The following PDE7B variants were observed in gnomAD, a reference collection of about 807,000 sequenced individuals.
PDE7B encodes phosphodiesterase 7B, also known as 3',5'-cyclic-AMP phosphodiesterase 7B.
In PDE7B, 29 loss-of-function variants were observed where a neutral mutation model predicts 56.2. That is an observed-to-expected ratio of 0.52 (90% confidence interval 0.38 to 0.70). The LOEUF (loss-of-function observed/expected upper bound fraction) is 0.70. Among genes scored for constraint, PDE7B ranks in the 30% least tolerant of loss-of-function variants. PDE7B has a pLI of 0.00. For missense variants in PDE7B, 490 were observed against 565.0 expected (o/e 0.87, Z 1.35); for synonymous variants, 197 against 196.9 (o/e 1.00, Z 0.00).
At chr6:136,072,261 C>T (rs1777061718) in intron 2 of PDE7B, among the ~76,000 whole-genome samples, 2 of 152,060 alleles carry the variant, frequency 1.3e-5, no homozygotes, top group Admixed American at 1.3e-4. Context: ...TCGAAATTGT[C>T]CTAAGTTCTG....
chr6:135,958,229 C>T (rs1294155820), intron 2 of PDE7B, among the ~76,000 whole-genome samples: 1 of 152,074 alleles, frequency 6.6e-6, no homozygotes, highest in Non-Finnish European at 1.5e-5. Flanking sequence ...AAGACTCTGT[C>T]TCAATAAGAG....
rs1778592724 is a variant in PDE7B, at chr6:136,155,727, A to G, written c.680A>G (p.Lys227Arg). ...HPGVNQPFLI[K>R]TNHHLANLYQ... ...GGGGTGAACCAGCCATTTTTGATAA[A>G]AACTAACCACCATCTTGCAAACCTA... Residue 227 changes from lysine (K) to arginine (R), a missense_variant, in exon 8 of 13, where the codon AAA becomes AGA. Lys to Arg is a conservative substitution (Grantham distance 26). Transcript: ENST00000308191. The G allele has an allele frequency of 3.7e-6, 6 of 1,614,116 alleles. No individual in the cohort carries two copies. In the South Asian group the frequency reaches 5.5e-5, roughly 15 times the overall value.
intron 8 of PDE7B, 106 bp downstream of exon 8, chr6:136,155,864 G>A (rs1165927988): frequency 2.5e-6 from 3 of 1,184,032 alleles, no homozygotes; most frequent in Non-Finnish European, 1.3e-6. Flanking sequence ...TAGGGTCCTA[G>A]AAGTTCAAAG....
At chr6:136,073,886 G>A (rs190501012) in intron 2 of PDE7B, among the ~76,000 whole-genome samples, 6 of 152,254 alleles carry the variant, frequency 3.9e-5, no homozygotes, top group East Asian at 3.9e-4. Context: ...AGTACAATGC[G>A]CAGAAAACTG....
intron 2 of PDE7B, among the ~76,000 whole-genome samples, chr6:135,965,691 G>A (rs541749004): frequency 1.3e-5 from 2 of 152,150 alleles, no homozygotes; most frequent in Non-Finnish European, 2.9e-5. Flanking sequence ...CGAACCTCAT[G>A]ATTCGGTTAC....
At chr6:135,951,596 T>C (rs1774700226) in intron 2 of PDE7B, among the ~76,000 whole-genome samples, 3 of 152,190 alleles carry the variant, frequency 2.0e-5, no homozygotes, top group African/African-American at 7.2e-5. Context: ...AAATTGCTGA[T>C]CAGATTTAGT....
At chr6:136,038,220 GCAGCAGCAA>G (rs1405552321) in intron 2 of PDE7B, 3 of 1,299,570 alleles carry the variant, frequency 2.3e-6, no homozygotes, top group Admixed American at 4.6e-5. Flanking sequence ...AGAAACAGCA[GCAGCAGCAA>G]CAGCAGCAGC....
At chr6:135,893,393 T>TG (rs1290182491) in intron 1 of PDE7B, among the ~76,000 whole-genome samples, 8 of 152,108 alleles carry the variant, frequency 5.3e-5, no homozygotes, top group African/African-American at 1.9e-4. Flanking sequence ...ACAAAGGACA[T>TG]GAACTCATCA....
At chr6:135,974,076 C>T (rs1775141962) in intron 2 of PDE7B, among the ~76,000 whole-genome samples, 1 of 152,140 alleles carries the variant, frequency 6.6e-6, no homozygotes, top group Non-Finnish European at 1.5e-5. Context: ...ATGCAGTGTT[C>T]AAAAGATGTT....
chr6:136,058,544 A>C (rs1203790889), intron 2 of PDE7B, among the ~76,000 whole-genome samples: 1 of 152,222 alleles, frequency 6.6e-6, no homozygotes, highest in Non-Finnish European at 1.5e-5. Flanking sequence ...AGGTAATAAG[A>C]CTAGTAAGAA....
chr6:135,925,806 CCTGA>C lies in PDE7B; in HGVS notation c.22-21655_22-21652del, dbSNP rs372926386. Among the ~76,000 whole-genome samples, 175 of 152,206 alleles carry C rather than the reference CCTGA, an allele frequency of 1.1e-3. 1 individual carries two copies. The highest frequency in any genetic ancestry group is 1.7e-3 in the Non-Finnish European group (116 of 68,000). ...AAATAGTGTTTCTGAAAGGCACTAG[CCTGA>C]CTATTTTTTCCCTGATATTCATTTT... On this transcript the variant is annotated intron_variant, in intron 1 of 12. Transcript: ENST00000308191.
chr6:135,926,877 A>C (rs939094967), intron 1 of PDE7B, among the ~76,000 whole-genome samples: 6 of 152,080 alleles, frequency 3.9e-5, no homozygotes, highest in African/African-American at 1.5e-4. Context: ...ATACTCTCAA[A>C]ATGTTGACTC....
At chr6:135,937,165 G>A (rs764186868) in intron 1 of PDE7B, among the ~76,000 whole-genome samples, 20 of 152,194 alleles carry the variant, frequency 1.3e-4, no homozygotes, top group East Asian at 5.8e-4. Context: ...GGTGAGGAGC[G>A]ACATTGGTCA....
intron 1 of PDE7B, among the ~76,000 whole-genome samples, chr6:135,871,754 G>A (rs551360556): frequency 9.2e-4 from 136 of 147,564 alleles, no homozygotes; most frequent in African/African-American, 3.1e-3. Context: ...TTTCAATGTT[G>A]TCGTAAGGAT....
At chr6:136,021,953 C>T in intron 2 of PDE7B, among the ~76,000 whole-genome samples, 1 of 152,194 alleles carries the variant, frequency 6.6e-6, no homozygotes, top group East Asian at 1.9e-4. Context: ...AATCTCATCT[C>T]ATGCCACCTT....
chr6:136,008,487 C>T (rs1775828318), intron 2 of PDE7B, among the ~76,000 whole-genome samples: 2 of 152,206 alleles, frequency 1.3e-5, no homozygotes, highest in Admixed American at 1.3e-4. Context: ...ACATCCTCTC[C>T]AGCACCTGTT....
At chr6:136,001,524 AG>A (rs1775667837) in intron 2 of PDE7B, among the ~76,000 whole-genome samples, 1 of 152,258 alleles carries the variant, frequency 6.6e-6, no homozygotes, top group Non-Finnish European at 1.5e-5. Flanking sequence ...TGGAGCTGAA[AG>A]CCAAGGCTCG....
intron 2 of PDE7B, among the ~76,000 whole-genome samples, chr6:135,976,658 A>C (rs1158635010): frequency 6.6e-6 from 1 of 151,842 alleles, no homozygotes; most frequent in African/African-American, 2.4e-5. Flanking sequence ...ATCATAGCAA[A>C]TGCCAAGAAA....
At chr6:136,010,539 G>A (rs1202039764) in intron 2 of PDE7B, among the ~76,000 whole-genome samples, 2 of 151,964 alleles carry the variant, frequency 1.3e-5, no homozygotes, top group Non-Finnish European at 2.9e-5. Flanking sequence ...CCGAGTAGCT[G>A]GGATTACAAG....
Sources: gnomAD v4.1 joint callset for allele counts (sites outside exome capture counted in the v4.1 genomes callset) on GRCh38, gnomAD v4.1.1 for gene constraint, MANE v1.5 for transcripts, NCBI Gene and HGNC (gene_info 2026-07-23, HGNC 2026-07-21) for gene names.